BMPR1B: variants seen among roughly 807,000 people sequenced by gnomAD.
The protein encoded by BMPR1B is bone morphogenetic protein receptor type 1B, also known as bone morphogenetic protein receptor type-1B.
BMPR1B carries 12 observed loss-of-function variants against 59.1 expected under a neutral mutation model. That is an observed-to-expected ratio of 0.20 (90% CI 0.13 to 0.33). The LOEUF (loss-of-function observed/expected upper bound fraction) is 0.33. Ranked by LOEUF, BMPR1B falls within the 10% of genes least tolerant of loss-of-function variation. The pLI, the probability that BMPR1B is intolerant of heterozygous loss-of-function variation, is 1.00. For missense variants in BMPR1B, 550 were observed against 610.9 expected, an observed-to-expected ratio of 0.90 and a Z score of 1.05; for synonymous variants, 237 against 207.3, an observed-to-expected ratio of 1.14 and a Z score of -1.23.
intron 1 of BMPR1B, among the ~76,000 whole-genome samples, chr4:94,774,506 G>A (rs940398668): frequency 6.6e-6 from 1 of 150,986 alleles, no homozygotes; most frequent in East Asian, 1.9e-4. Flanking sequence ...CTTAGAAGTT[G>A]GATTAAAAAT....
chr4:94,778,244 T>C (rs1424635192), intron 1 of BMPR1B, among the ~76,000 whole-genome samples: 1 of 152,160 alleles, frequency 6.6e-6, no homozygotes, highest in Non-Finnish European at 1.5e-5. Context: ...CTGAGTTTTA[T>C]GTTTATTATT....
At chr4:94,873,967 CTGTT>C (rs1343449390) in intron 1 of BMPR1B, among the ~76,000 whole-genome samples, 1 of 152,060 alleles carries the variant, frequency 6.6e-6, no homozygotes, top group Non-Finnish European at 1.5e-5. Flanking sequence ...TACCTTCTTT[CTGTT>C]TGTTTGAGCT....
chr4:95,063,659 T>C (rs1216215551), intron 3 of BMPR1B, among the ~76,000 whole-genome samples: 2 of 152,016 alleles, frequency 1.3e-5, no homozygotes, highest in African/African-American at 2.4e-5. Context: ...ACATAAAACA[T>C]TTTAGAATTT....
At chr4:94,826,204 A>G (rs1724375786) in intron 1 of BMPR1B, among the ~76,000 whole-genome samples, 1 of 152,236 alleles carries the variant, frequency 6.6e-6, no homozygotes, top group Admixed American at 6.5e-5. Flanking sequence ...GTTCTTAAAT[A>G]GGGACTGCCT....
intron 3 of BMPR1B, among the ~76,000 whole-genome samples, chr4:95,088,694 G>A (rs944641012): frequency 7.3e-5 from 11 of 151,346 alleles, no homozygotes; most frequent in Non-Finnish European, 2.9e-5. Context: ...TCCCAAGAAA[G>A]AAAGAAACTA....
At chr4:94,916,262 A>G (rs1728479698) in intron 2 of BMPR1B, among the ~76,000 whole-genome samples, 1 of 152,232 alleles carries the variant, frequency 6.6e-6, no homozygotes, top group African/African-American at 2.4e-5. Context: ...AGAGGTTGGA[A>G]GAATTTGGAG....
intron 2 of BMPR1B, among the ~76,000 whole-genome samples, chr4:94,886,541 GGGACA>G (rs1727176681): frequency 6.6e-6 from 1 of 152,124 alleles, no homozygotes; most frequent in Non-Finnish European, 1.5e-5. Context: ...TAAAAGTCAT[GGGACA>G]TGTTTTAAAA....
At chr4:95,152,103 A>G (rs1187125302) in intron 11 of BMPR1B, among the ~76,000 whole-genome samples, 1 of 152,172 alleles carries the variant, frequency 6.6e-6, no homozygotes, top group East Asian at 1.9e-4. Context: ...AACCTAAAAA[A>G]TTCATGGTTA....
intron 2 of BMPR1B, among the ~76,000 whole-genome samples, chr4:94,994,293 C>A (rs1016404313): frequency 6.6e-6 from 1 of 152,180 alleles, no homozygotes; most frequent in Non-Finnish European, 1.5e-5. Context: ...TAAGCTCCAG[C>A]AAGAAAGATC....
chr4:94,957,251 A>G (rs1467847804), intron 2 of BMPR1B, among the ~76,000 whole-genome samples: 1 of 146,668 alleles, frequency 6.8e-6, no homozygotes, highest in East Asian at 2.2e-4. Context: ...CCATGGCGGT[A>G]TATGAGGTGT....
intron 3 of BMPR1B, among the ~76,000 whole-genome samples, chr4:95,080,112 T>A (rs1434443546): frequency 6.6e-6 from 1 of 152,122 alleles, no homozygotes; most frequent in Non-Finnish European, 1.5e-5. Flanking sequence ...GGTTCAAAAA[T>A]TACGTTTTCT....
chr4:94,931,189 A>T (rs1241851399), intron 2 of BMPR1B, among the ~76,000 whole-genome samples: 1 of 152,136 alleles, frequency 6.6e-6, no homozygotes, highest in African/African-American at 2.4e-5. Context: ...AAAATAATTT[A>T]GGAGGACAAA....
intron 2 of BMPR1B, among the ~76,000 whole-genome samples, chr4:94,901,532 T>C (rs1459632076): frequency 2.0e-5 from 3 of 152,002 alleles, no homozygotes; most frequent in African/African-American, 7.2e-5. Context: ...AGATTTAGAC[T>C]ATATTTAACA....
Position 94,862,800 on chromosome 4 carries a change from C to A in BMPR1B, c.-182-13031C>A, listed in dbSNP as rs1726042695. On this transcript the variant is annotated intron_variant, in intron 1 of 12. Transcript: ENST00000515059. ...CTCTACTAAAAATACAAAAAATTAGCCGGGCGTGGTTGCGGGCACCTGTAG... is the reference window on the plus strand; with the variant it reads ...CTCTACTAAAAATACAAAAAATTAGACGGGCGTGGTTGCGGGCACCTGTAG... Among the ~76,000 whole-genome samples, 3 of 152,022 alleles carry A rather than the reference C, an allele frequency of 2.0e-5. 1 individual carries two copies. In the South Asian group the frequency reaches 6.2e-4, roughly 32 times the overall value.
chr4:95,122,336 A>C lies in BMPR1B; in HGVS notation c.350-1474A>C, dbSNP rs773509111. Reference sequence around the variant, plus strand: ...CGGCCACAGAGGAAGATCCTGTATCAAAAAAAAAAAAAAGTCATGTTGCAA... The same window carrying C: ...CGGCCACAGAGGAAGATCCTGTATCCAAAAAAAAAAAAAGTCATGTTGCAA... On this transcript the variant is annotated intron_variant, in intron 6 of 12. Coordinates refer to ENST00000515059, the MANE Select transcript of BMPR1B (RefSeq NM_001203.3). Among the ~76,000 whole-genome samples the C allele has an allele frequency of 2.8e-4, 33 of 116,956 alleles. 1 individual carries two copies. The highest frequency in any genetic ancestry group is 1.6e-4 in the Admixed American group (2 of 12,436). The allele number at this position is 116,956 out of a possible 152,430, so 76.7% of individuals were successfully genotyped here.
rs138440693 is a variant in BMPR1B at position 94,781,570 on chromosome 4, C to T, written c.-183+23502C>T. On this transcript the variant is annotated intron_variant, in intron 1 of 12. Coordinates refer to ENST00000515059, the MANE Select transcript of BMPR1B (RefSeq NM_001203.3). ...TGGGATTACAGGTGCCCACCACGCACCTGGCTAATTTTTGTATTTTTAGTA... is the reference window on the plus strand; with the variant it reads ...TGGGATTACAGGTGCCCACCACGCATCTGGCTAATTTTTGTATTTTTAGTA... Among the ~76,000 whole-genome samples the T allele has an allele frequency of 5.7e-4, 87 of 152,128 alleles. 1 individual carries two copies. In the South Asian group the frequency reaches 7.3e-3, roughly 13 times the overall value.
intron 4 of BMPR1B, 55 bp from the exon 5 acceptor site, chr4:95,114,665 C>CAT (rs1731882968): frequency 7.0e-7 from 1 of 1,419,088 alleles, no homozygotes; most frequent in Non-Finnish European, 1.0e-6. Context: ...CACACACACA[C>CAT]ACACTGACTC....
chr4:95,084,250 T>C (rs1302724434), intron 3 of BMPR1B, among the ~76,000 whole-genome samples: 1 of 151,050 alleles, frequency 6.6e-6, no homozygotes, highest in African/African-American at 2.4e-5. Context: ...AAATTTTATA[T>C]ATTTTATATA....
intron 2 of BMPR1B, among the ~76,000 whole-genome samples, chr4:94,917,385 C>T (rs999762021): frequency 3.9e-5 from 6 of 152,170 alleles, no homozygotes; most frequent in South Asian, 2.1e-4. Context: ...CCATGGGGGC[C>T]GAACCCTGCA....
Sources: allele counts gnomAD v4.1 joint callset (sites outside exome capture counted in the v4.1 genomes callset), GRCh38; gene constraint gnomAD v4.1.1; transcripts MANE v1.5; gene names NCBI Gene and HGNC (gene_info 2026-07-23, HGNC 2026-07-21).